HCN4: variants seen among roughly 807,000 people sequenced by gnomAD.
HCN4 encodes potassium/sodium hyperpolarization-activated cyclic nucleotide-gated channel 4.
HCN4 carries 29 observed loss-of-function variants against 76.9 expected under a neutral mutation model. The ratio of observed to expected loss-of-function variants is 0.38; its 90% CI spans 0.28 to 0.51. The LOEUF is 0.51. Among genes scored for constraint, HCN4 ranks in the 20% least tolerant of loss-of-function variants. The pLI is 0.90. For missense variants in HCN4, 1,416 were observed against 1,715.2 expected, an observed-to-expected ratio of 0.83 and a Z score of 3.08; for synonymous variants, 772 against 762.5, an observed-to-expected ratio of 1.01 and a Z score of -0.21.
Position 73,367,899 on chromosome 15 carries a change from G to C in HCN4, c.372C>G (p.Asp124Glu), listed in dbSNP as rs760442925. The part of the protein sequence containing the change: ...GSGSSHGHLH[D>E]SAEERRLIAE... ...CGATGAGCCGCCGCTCCTCCGCGGA[G>C]TCATGCAGGTGTCCGTGACTGCTGC... The change falls in exon 1 of 8, where the codon GAC becomes GAG. Residue 124 changes from aspartate (D) to glutamate (E), a missense_variant. Physicochemically the swap from Asp to Glu is conservative, Grantham distance 45. Coordinates refer to ENST00000261917, the MANE Select transcript of HCN4 (RefSeq NM_005477.3). The surrounding 1 kb of genome is among the most constrained non-coding windows in gnomAD (Gnocchi z 7.5). 18 of 1,385,386 alleles carry C rather than the reference G, an allele frequency of 1.3e-5. No individual in the cohort carries two copies. The allele number at this position is 1,385,386 out of a possible 1,614,324, so 85.8% of individuals were successfully genotyped here.
intron 1 of HCN4, among the ~76,000 whole-genome samples, chr15:73,360,729 T>C (rs1047556026): frequency 3.3e-5 from 5 of 152,178 alleles, no homozygotes; most frequent in Admixed American, 2.0e-4. Context: ...ATGGGAGATA[T>C]AGAGCTCCTA....
chr15:73,339,336 A>C (rs1044168786), intron 2 of HCN4, among the ~76,000 whole-genome samples: 2 of 152,162 alleles, frequency 1.3e-5, no homozygotes, highest in Admixed American at 6.5e-5. Context: ...CCTGACTGCC[A>C]CCAACACTTA....
At chr15:73,333,213 G>A (rs536403740) in intron 2 of HCN4, among the ~76,000 whole-genome samples, 10 of 152,286 alleles carry the variant, frequency 6.6e-5, no homozygotes, top group African/African-American at 2.4e-4. Flanking sequence ...CCATGCTGGG[G>A]TCCCCTTGCT....
At chr15:73,350,916 C>T (rs1480351174) in intron 1 of HCN4, among the ~76,000 whole-genome samples, 1 of 152,162 alleles carries the variant, frequency 6.6e-6, no homozygotes, top group Non-Finnish European at 1.5e-5. Context: ...GTGTCACCGT[C>T]CCCACACTCT....
chr15:73,357,193 G>A (rs2043085114), intron 1 of HCN4, among the ~76,000 whole-genome samples: 1 of 152,174 alleles, frequency 6.6e-6, no homozygotes, highest in Admixed American at 6.5e-5. Context: ...CATTTTCAGA[G>A]GAGGAAAGCA....
chr15:73,325,686 G>C lies in HCN4; in HGVS notation c.1591-242C>G, dbSNP rs1354543942. ...CCCACCAGCATCTGCTCCTCGCTGT[G>C]TTCAATACTAAGGAGGTGGGTGAGG... On this transcript the variant is annotated intron_variant, in intron 4 of 7. Transcript: ENST00000261917. The surrounding 1 kb of genome is among the most constrained non-coding windows in gnomAD (Gnocchi z 7.4). 1.3e-5 allele frequency among the ~76,000 whole-genome samples: 2 copies of C among 152,202 alleles called. No individual in the cohort carries two copies. Among genetic ancestry groups the C allele is most frequent in the Admixed American group, 6.5e-5 (1 of 15,280 alleles).
At position 73,367,920 on chromosome 15, in the gene HCN4, G is replaced by T; in HGVS notation, c.351C>A (p.Ser117Arg). The change falls in exon 1 of 8, where the codon AGC becomes AGA. Residue 117 changes from serine to arginine, a missense_variant. Physicochemically the swap from Ser to Arg is moderately radical, Grantham distance 110. This residue lies in a region of HCN4 where 355 missense variants were observed against 347.8 expected (regional missense o/e 1.02). Coordinates refer to ENST00000261917, the MANE Select transcript of HCN4 (RefSeq NM_005477.3). The surrounding 1 kb of genome is among the most constrained non-coding windows in gnomAD (Gnocchi z 7.5). ...GGGSGGTGSG[S>R]SHGHLHDSAE... ...CGGAGTCATGCAGGTGTCCGTGACT[G>T]CTGCCGCTCCCCGTGCCGCCGCTGC... The T allele has an allele frequency of 1.5e-6, 2 of 1,376,024 alleles. No homozygotes were observed. The highest frequency in any genetic ancestry group is 5.7e-5 in the Admixed American group (2 of 35,152). 85.2% of individuals were successfully genotyped at this position (1,376,024 alleles called of 1,614,324 possible). A position where few individuals can be genotyped will look rare whatever the true frequency, so the allele number is the denominator to read the frequency against.
intron 2 of HCN4, among the ~76,000 whole-genome samples, chr15:73,332,507 T>C (rs2042939272): frequency 6.6e-6 from 1 of 152,144 alleles, no homozygotes; most frequent in Non-Finnish European, 1.5e-5. Context: ...CAGAGGGACA[T>C]CTCCTGGCAT....
intron 2 of HCN4, among the ~76,000 whole-genome samples, chr15:73,341,993 C>A (rs925388819): frequency 6.6e-6 from 1 of 152,196 alleles, no homozygotes; most frequent in African/African-American, 2.4e-5. Context: ...AAGTCAGCCA[C>A]GCGGCACAGG....
At chr15:73,324,897 C>A (rs1472010465) in intron 6 of HCN4, 58 bp downstream of exon 6, 7 of 1,608,370 alleles carry the variant, frequency 4.4e-6, no homozygotes, top group Non-Finnish European at 5.9e-6. Context: ...CTCGGTATCT[C>A]CCCAAACCAG....
intron 1 of HCN4, among the ~76,000 whole-genome samples, chr15:73,348,581 G>A (rs1477708189): frequency 6.6e-6 from 1 of 152,196 alleles, no homozygotes; most frequent in African/African-American, 2.4e-5. Flanking sequence ...GAATGTCATT[G>A]TTTTGTCATT....
intron 1 of HCN4, among the ~76,000 whole-genome samples, chr15:73,348,311 TGTCCA>T (rs2043037764): frequency 6.6e-6 from 1 of 152,206 alleles, no homozygotes; most frequent in South Asian, 2.1e-4. Context: ...AGCCTCTTCT[TGTCCA>T]CACACACCCA....
chr15:73,334,529 C>G (rs1242872954), intron 2 of HCN4, among the ~76,000 whole-genome samples: 1 of 152,176 alleles, frequency 6.6e-6, no homozygotes, highest in East Asian at 1.9e-4. Context: ...CCTAACCTTT[C>G]TATGTCTTGG....
chr15:73,368,290 G>A lies in HCN4; in HGVS notation c.-20C>T. The A allele has an allele frequency of 6.8e-7, 1 of 1,471,102 alleles. No homozygotes were observed. Among genetic ancestry groups the A allele is most frequent in the Non-Finnish European group, 9.0e-7 (1 of 1,114,646 alleles). The allele number at this position is 1,471,102 out of a possible 1,614,324, so 91.1% of individuals were successfully genotyped here. On this transcript the variant is annotated 5_prime_UTR_variant, in exon 1 of 8. Transcript: ENST00000261917. This position sits in a 1 kb window ranked among gnomAD's most constrained non-coding sequence, Gnocchi z 6.9. ...GTCCATGGCGCCAGGGGCCGGGGTC[G>A]GACCGGGCCGGGGGCAGGAGCGCGG...
chr15:73,330,975 T>C (rs2042929171), intron 3 of HCN4, among the ~76,000 whole-genome samples: 1 of 152,218 alleles, frequency 6.6e-6, no homozygotes, highest in Non-Finnish European at 1.5e-5. Context: ...AAAGGCTGTT[T>C]TGTAAAGGCC....
Position 73,367,392 on chromosome 15 carries a change from C to A in HCN4, c.785+94G>T, listed in dbSNP as rs1234540320. 1.9e-6 allele frequency: 3 copies of A among 1,581,988 alleles called. No individual in the cohort carries two copies. In the East Asian group the frequency reaches 6.8e-5, roughly 36 times the overall value. ...CTCTCTTGGAGCTCCCAGCGCAAGGCAGGAAAGTTAACTCCGGCTGGGAGG... is the reference window on the plus strand; with the variant it reads ...CTCTCTTGGAGCTCCCAGCGCAAGGAAGGAAAGTTAACTCCGGCTGGGAGG... On this transcript the variant is annotated intron_variant, in intron 1 of 7. Transcript: ENST00000261917. This position sits in a 1 kb window ranked among gnomAD's most constrained non-coding sequence, Gnocchi z 7.5.
intron 2 of HCN4, among the ~76,000 whole-genome samples, chr15:73,336,505 T>C (rs949207036): frequency 2.6e-5 from 4 of 152,156 alleles, no homozygotes; most frequent in African/African-American, 4.8e-5. Context: ...GTAACACAAA[T>C]TGGCTCGTAT....
Position 73,322,923 on chromosome 15 carries a change from G to T in HCN4, c.3170C>A (p.Ala1057Glu). The change falls in exon 8 of 8, where the codon GCA (alanine) becomes GAA (glutamate). Residue 1057 changes from alanine (A) to glutamate (E), a missense_variant. Ala to Glu is a moderately radical substitution (Grantham distance 107). This residue lies in a region of HCN4 where 633 missense variants were observed against 579.8 expected (regional missense o/e 1.09). Coordinates refer to ENST00000261917, the MANE Select transcript of HCN4 (RefSeq NM_005477.3). ...GSHGSLLLPP[A>E]SSPPPPQVPQ... is the part of the protein sequence containing the mutation. ...GACCTGGGGTGGTGGGGGGCTGGAT[G>T]CAGGTGGCAGGAGCAAGGATCCGTG... is the stretch of plus-strand genomic sequence containing the variant. The T allele has an allele frequency of 7.1e-7, 1 of 1,401,020 alleles. No homozygotes were observed. The highest frequency in any genetic ancestry group is 9.4e-7 in the Non-Finnish European group (1 of 1,060,594). The allele number at this position is 1,401,020 out of a possible 1,614,324, so 86.8% of individuals were successfully genotyped here.
intron 1 of HCN4, among the ~76,000 whole-genome samples, chr15:73,366,861 C>T (rs1220083832): frequency 2.0e-5 from 3 of 152,234 alleles, no homozygotes; most frequent in Non-Finnish European, 4.4e-5. Flanking sequence ...TCAGCCCTGC[C>T]GCTCTGGATG....
Sources: allele counts gnomAD v4.1 joint callset (sites outside exome capture counted in the v4.1 genomes callset), GRCh38; gene constraint gnomAD v4.1.1; regional missense constraint gnomAD v4.1.1; non-coding constraint Gnocchi (gnomAD v3.1); transcripts MANE v1.5; gene names NCBI Gene and HGNC (gene_info 2026-07-23, HGNC 2026-07-21).